KIF26B: variants seen among roughly 807,000 people sequenced by gnomAD.
KIF26B encodes the protein kinesin-like protein KIF26B.
In KIF26B, 63 loss-of-function variants were observed where a neutral mutation model predicts 151.2. That is an observed-to-expected ratio of 0.42 (90% CI 0.34 to 0.51). The LOEUF is 0.51. Among genes scored for constraint, KIF26B ranks in the 20% least tolerant of loss-of-function variants. The probability of loss-of-function intolerance (pLI) is 0.07; values close to 1 mark genes in which losing one functional copy is unlikely to be tolerated. For synonymous variants in KIF26B, 1,357 were observed against 1,262.1 expected, an observed-to-expected ratio of 1.08 and a Z score of -1.59; for missense variants, 2,813 against 2,913.6, an observed-to-expected ratio of 0.97 and a Z score of 0.79.
chr1:245,209,325 C>T (rs1246937957), intron 2 of KIF26B, among the ~76,000 whole-genome samples: 6 of 151,860 alleles, frequency 4.0e-5, no homozygotes, highest in African/African-American at 1.2e-4. Context: ...CGCTTGAACC[C>T]GGGAGGCGGA....
chr1:245,664,520 C>A (rs2044192547), intron 10 of KIF26B, among the ~76,000 whole-genome samples: 1 of 152,192 alleles, frequency 6.6e-6, no homozygotes, highest in Admixed American at 6.5e-5. Context: ...ATCGAAGCCA[C>A]TTTTGAGAGT....
chr1:245,486,519 T>C (rs1660284218), intron 4 of KIF26B, among the ~76,000 whole-genome samples: 1 of 152,206 alleles, frequency 6.6e-6, no homozygotes, highest in Non-Finnish European at 1.5e-5. Flanking sequence ...ATCCAGTAGT[T>C]ATTATAGAGC....
At chr1:245,494,106 C>A (rs12737981) in intron 4 of KIF26B, among the ~76,000 whole-genome samples, 5,034 of 152,072 alleles carry the variant, frequency 0.033, 133 homozygotes, top group Non-Finnish European at 0.05. Context: ...GAGTTTGAGA[C>A]CAGCCATCAC....
intron 5 of KIF26B, among the ~76,000 whole-genome samples, chr1:245,544,057 T>C (rs1056610673): frequency 1.3e-5 from 2 of 152,178 alleles, no homozygotes; most frequent in East Asian, 1.9e-4. Context: ...TGCCCTACCA[T>C]ATGGTGCCAA....
rs2044540544 is a variant in KIF26B, at chr1:245,687,225, C to T, written c.4242C>T (p.Pro1414=). The change falls in exon 12 of 15, where the codon CCC becomes CCT. Residue 1414 remains proline, a synonymous_variant. Coordinates refer to ENST00000407071, the MANE Select transcript of KIF26B (RefSeq NM_018012.4). The surrounding 1 kb of genome is among the most constrained non-coding windows in gnomAD (Gnocchi z 4.9). ...IQEPEAPTAT[P]KAGPTLAQSR... is the part of the protein sequence containing the mutation. ...AGCCGGAGGCCCCCACCGCCACCCC[C>T]AAAGCAGGCCCCACATTAGCCCAGT... 1 of 1,612,942 alleles carries T rather than the reference C, an allele frequency of 6.2e-7. No individual in the cohort carries two copies. Among genetic ancestry groups the T allele is most frequent in the Non-Finnish European group, 8.5e-7 (1 of 1,179,670 alleles).
intron 5 of KIF26B, among the ~76,000 whole-genome samples, chr1:245,585,951 C>T (rs2043219514): frequency 6.9e-6 from 1 of 145,348 alleles, no homozygotes; most frequent in South Asian, 2.1e-4. Context: ...GTGCAAGTTG[C>T]ACAAACATTT....
At position 245,193,963 on chromosome 1, in the gene KIF26B, C is replaced by T. The variant is rs149634876; in HGVS notation, c.465+37280C>T. On this transcript the variant is annotated intron_variant, in intron 2 of 14. Transcript: ENST00000407071. ...ATGGGGCGCTAGAAAATGACATGGA[C>T]GCCAGAAAGTTTCTTTTTGCTGCTG... is the stretch of plus-strand genomic sequence containing the variant. Among the ~76,000 whole-genome samples the T allele has an allele frequency of 3.2e-4, 49 of 152,290 alleles. 1 individual carries two copies. In the East Asian group the frequency reaches 3.7e-3, roughly 11 times the overall value.
At chr1:245,474,939 T>C (rs941083796) in intron 4 of KIF26B, among the ~76,000 whole-genome samples, 1 of 151,796 alleles carries the variant, frequency 6.6e-6, no homozygotes, top group Admixed American at 6.6e-5. Flanking sequence ...TCTAGTTCCA[T>C]GCATGTTGTA....
rs542290014 is a variant in KIF26B at position 245,689,274 on chromosome 1, C to A, written c.5824+467C>A. On this transcript the variant is annotated intron_variant, in intron 12 of 14. Transcript: ENST00000407071. Reference sequence around the variant, plus strand: ...AAGGATCCTGTGGACGGTTTACAGCCTGTTGAGGGATCAGGTGAGGGTACC... The same window carrying A: ...AAGGATCCTGTGGACGGTTTACAGCATGTTGAGGGATCAGGTGAGGGTACC... 2.6e-5 allele frequency among the ~76,000 whole-genome samples: 4 copies of A among 152,330 alleles called. No homozygotes were observed. The South Asian group carries it at 8.3e-4, about 32-fold the overall frequency.
chr1:245,246,784 G>C (rs3008476), intron 2 of KIF26B, among the ~76,000 whole-genome samples: 5 of 151,982 alleles, frequency 3.3e-5, no homozygotes, highest in African/African-American at 1.2e-4. Flanking sequence ...GAATTCCAGC[G>C]TATGCAGAGC....
At chr1:245,697,653 A>G (rs1340555470) in intron 12 of KIF26B, among the ~76,000 whole-genome samples, 1 of 152,060 alleles carries the variant, frequency 6.6e-6, no homozygotes, top group East Asian at 1.9e-4. Flanking sequence ...GGTGGTGGGA[A>G]GTGGGAGTGT....
chr1:245,514,757 C>A (rs900831162), intron 4 of KIF26B, among the ~76,000 whole-genome samples: 1 of 152,082 alleles, frequency 6.6e-6, no homozygotes, highest in Admixed American at 6.6e-5. Context: ...TGTAGTAGAA[C>A]CCAGAGCTGT....
intron 2 of KIF26B, among the ~76,000 whole-genome samples, chr1:245,363,829 C>T (rs1672876696): frequency 6.6e-6 from 1 of 152,106 alleles, no homozygotes; most frequent in South Asian, 2.1e-4. Flanking sequence ...CTGTCTGTGG[C>T]GGTCGTATTG....
chr1:245,186,501 T>C (rs1356108653), intron 2 of KIF26B, among the ~76,000 whole-genome samples: 1 of 152,180 alleles, frequency 6.6e-6, no homozygotes, highest in African/African-American at 2.4e-5. Flanking sequence ...GGCAGCCCAG[T>C]GAATTCTGTC....
At position 245,358,383 on chromosome 1, in the gene KIF26B, G is replaced by C. The variant is rs1008772910; in HGVS notation, c.466-8451G>C. ...AAAATACAAAATATTAGCCAGGCGT[G>C]GTGATGGGTGCCTGTAGTCCCAGCT... is the stretch of plus-strand genomic sequence containing the variant. On this transcript the variant is annotated intron_variant, in intron 2 of 14. Transcript: ENST00000407071. The surrounding 1 kb of genome is among the most constrained non-coding windows in gnomAD (Gnocchi z 4.1). Among the ~76,000 whole-genome samples the C allele has an allele frequency of 6.6e-6, 1 of 152,168 alleles. No individual in the cohort carries two copies. Among genetic ancestry groups the C allele is most frequent in the Non-Finnish European group, 1.5e-5 (1 of 68,032 alleles).
chr1:245,487,858 G>A (rs749456702), intron 4 of KIF26B, among the ~76,000 whole-genome samples: 12 of 150,956 alleles, frequency 7.9e-5, no homozygotes, highest in Admixed American at 2.0e-4. Flanking sequence ...GCGCGATATC[G>A]GCTCACTGCA....
intron 4 of KIF26B, among the ~76,000 whole-genome samples, chr1:245,537,682 G>T (rs1487993748): frequency 6.6e-6 from 1 of 152,160 alleles, no homozygotes; most frequent in Non-Finnish European, 1.5e-5. Flanking sequence ...CAGCATCGAA[G>T]AAGTCATTGG....
chr1:245,690,510 G>C (rs1037890050), intron 12 of KIF26B, among the ~76,000 whole-genome samples: 2 of 152,228 alleles, frequency 1.3e-5, no homozygotes, highest in African/African-American at 4.8e-5. Context: ...ACTCTGGAAT[G>C]TTCCAAATGT....
chr1:245,520,823 C>T (rs1480293395), intron 4 of KIF26B, among the ~76,000 whole-genome samples: 1 of 152,220 alleles, frequency 6.6e-6, no homozygotes, highest in Non-Finnish European at 1.5e-5. Context: ...GCCCGGACCA[C>T]ATGCCTTTCC....
Sources: allele counts gnomAD v4.1 joint callset (sites outside exome capture counted in the v4.1 genomes callset), GRCh38; gene constraint gnomAD v4.1.1; non-coding constraint Gnocchi (gnomAD v3.1); transcripts MANE v1.5; gene names NCBI Gene and HGNC (gene_info 2026-07-23, HGNC 2026-07-21).